Variants in PTPRO observed in about 807,000 individuals in gnomAD.
PTPRO encodes protein tyrosine phosphatase receptor type O.
PTPRO carries 62 observed loss-of-function variants against 145.2 expected under a neutral mutation model. The observed-to-expected ratio is 0.43, with a 90% CI of 0.35 to 0.53. The LOEUF is 0.53. Among genes scored for constraint, PTPRO ranks in the 20% least tolerant of loss-of-function variants. PTPRO has a pLI of 0.01. For missense variants in PTPRO, 1,345 were observed against 1,482.7 expected, an observed-to-expected ratio of 0.91 and a Z score of 1.53; for synonymous variants, 565 against 514.7, an observed-to-expected ratio of 1.10 and a Z score of -1.32.
intron 10 of PTPRO, among the ~76,000 whole-genome samples, chr12:15,521,399 G>A (rs1254073372): frequency 1.3e-5 from 2 of 152,176 alleles, no homozygotes; most frequent in African/African-American, 4.8e-5. Context: ...GAAAATAGCA[G>A]TTACTTGGCA....
intron 1 of PTPRO, among the ~76,000 whole-genome samples, chr12:15,326,867 G>T (rs1282663667): frequency 6.6e-6 from 1 of 152,150 alleles, no homozygotes; most frequent in African/African-American, 2.4e-5. Context: ...GTGCAGTGAT[G>T]AGCTTTACTG....
At chr12:15,379,682 A>G (rs928550330) in intron 1 of PTPRO, among the ~76,000 whole-genome samples, 3 of 151,930 alleles carry the variant, frequency 2.0e-5, no homozygotes, top group African/African-American at 7.2e-5. Context: ...TGCCAATCAC[A>G]AAAGTACTTA....
chr12:15,324,605 A>ATAAT (rs2136190895), intron 1 of PTPRO, among the ~76,000 whole-genome samples: 3 of 152,302 alleles, frequency 2.0e-5, no homozygotes, highest in African/African-American at 7.2e-5. Flanking sequence ...CATTTAAATA[A>ATAAT]TAATTATTGT....
rs908528622 is a variant in PTPRO, at chr12:15,546,271, C to T, written c.2165-298C>T. On this transcript the variant is annotated intron_variant, in intron 12 of 26. Transcript: ENST00000281171. ...TGTATTATCAGGGCAATGCTAACTT[C>T]AGTATAAATGACACAGAAACTATTA... The T allele has an allele frequency of 6.1e-5, 67 of 1,094,046 alleles. No individual in the cohort carries two copies. The Admixed American group carries it at 6.2e-4, about 10-fold the overall frequency. 67.8% of individuals were successfully genotyped at this position (1,094,046 alleles called of 1,614,324 possible). A position where few individuals can be genotyped will look rare whatever the true frequency, so the allele number is the denominator to read the frequency against.
intron 17 of PTPRO, 41 bp from the exon 18 acceptor site, chr12:15,565,552 T>C (rs1943876053): frequency 3.1e-6 from 4 of 1,303,916 alleles, no homozygotes; most frequent in Non-Finnish European, 4.4e-6. Flanking sequence ...TAATCAATTC[T>C]TCTGCCCAGA....
chr12:15,481,567 A>G (rs1941779528), intron 1 of PTPRO, among the ~76,000 whole-genome samples: 1 of 152,186 alleles, frequency 6.6e-6, no homozygotes, highest in South Asian at 2.1e-4. Context: ...ACCACATGAA[A>G]AGCACTTAGC....
chr12:15,482,368 C>T (rs1389028721), intron 1 of PTPRO, among the ~76,000 whole-genome samples: 1 of 151,766 alleles, frequency 6.6e-6, no homozygotes, highest in African/African-American at 2.4e-5. Context: ...GTTACTAGAG[C>T]CAAGGAAGGG....
Position 15,560,308 on chromosome 12 carries a change from A to G in PTPRO, c.2711+32A>G, listed in dbSNP as rs756605478. On this transcript the variant is annotated intron_variant, in intron 17 of 26. Transcript: ENST00000281171. The stretch of plus-strand genomic sequence containing the variant: ...GATTTTTTTTTACTGTTTAACACAA[A>G]CTCTTTAAAAGTTAGCTTTCAAGAA... 2.0e-6 allele frequency: 3 copies of G among 1,472,054 alleles called. No individual in the cohort carries two copies. In the East Asian group the frequency reaches 6.8e-5, roughly 33 times the overall value. 91.2% of individuals were successfully genotyped at this position (1,472,054 alleles called of 1,614,324 possible).
chr12:15,407,215 G>T (rs1267908770), intron 1 of PTPRO, among the ~76,000 whole-genome samples: 3 of 152,114 alleles, frequency 2.0e-5, no homozygotes, highest in Non-Finnish European at 2.9e-5. Context: ...CCAATCTAGT[G>T]CTTTTGTTAA....
At chr12:15,584,602 TTTAC>T (rs1944391782) in intron 23 of PTPRO, among the ~76,000 whole-genome samples, 3 of 152,194 alleles carry the variant, frequency 2.0e-5, no homozygotes, top group Admixed American at 2.0e-4. Context: ...TTGTAAGGAA[TTTAC>T]TTGTTACAAG....
At chr12:15,418,738 G>A (rs1271805548) in intron 1 of PTPRO, among the ~76,000 whole-genome samples, 2 of 151,684 alleles carry the variant, frequency 1.3e-5, no homozygotes, top group Non-Finnish European at 2.9e-5. Context: ...AAAGGCTGAG[G>A]CAATGGAGTA....
At chr12:15,542,804 A>AT (rs761570051) in intron 12 of PTPRO, among the ~76,000 whole-genome samples, 1 of 152,096 alleles carries the variant, frequency 6.6e-6, no homozygotes, top group Non-Finnish European at 1.5e-5. Context: ...TTCTGTCTGT[A>AT]TTTTACATTT....
intron 12 of PTPRO, among the ~76,000 whole-genome samples, chr12:15,545,638 C>G (rs1490216725): frequency 6.6e-6 from 1 of 151,892 alleles, no homozygotes; most frequent in Non-Finnish European, 1.5e-5. Flanking sequence ...GCTTCCTTTA[C>G]GAATGGATTT....
chr12:15,357,464 TAAAGG>T (rs895771999), intron 1 of PTPRO, among the ~76,000 whole-genome samples: 6 of 152,142 alleles, frequency 3.9e-5, no homozygotes, highest in African/African-American at 1.4e-4. Flanking sequence ...TTTCTCTGTG[TAAAGG>T]AAAGTGGAAC....
At chr12:15,564,201 A>T (rs1943843343) in intron 17 of PTPRO, among the ~76,000 whole-genome samples, 1 of 152,188 alleles carries the variant, frequency 6.6e-6, no homozygotes, top group Non-Finnish European at 1.5e-5. Flanking sequence ...TTCACTTAGA[A>T]GTGGGAAGAA....
intron 3 of PTPRO, among the ~76,000 whole-genome samples, chr12:15,499,127 G>A (rs1942166444): frequency 6.6e-6 from 1 of 152,100 alleles, no homozygotes; most frequent in African/African-American, 2.4e-5. Flanking sequence ...AATGGCCAGT[G>A]TAAACTTAAC....
chr12:15,507,821 A>C (rs1591664135), intron 6 of PTPRO, among the ~76,000 whole-genome samples: 1 of 152,248 alleles, frequency 6.6e-6, no homozygotes, highest in African/African-American at 2.4e-5. Flanking sequence ...TAAGGAGCTG[A>C]GAATGCATCC....
At chr12:15,426,968 T>C (rs1940303048) in intron 1 of PTPRO, among the ~76,000 whole-genome samples, 1 of 152,058 alleles carries the variant, frequency 6.6e-6, no homozygotes, top group Admixed American at 6.6e-5. Context: ...AATAAAGTCC[T>C]TTTTCAGATC....
intron 1 of PTPRO, among the ~76,000 whole-genome samples, chr12:15,431,993 T>C (rs1283641281): frequency 6.6e-6 from 1 of 152,212 alleles, no homozygotes; most frequent in Admixed American, 6.5e-5. Flanking sequence ...TTTTTTGTTT[T>C]TGTTTTTGCT....
Sources: allele counts gnomAD v4.1 joint callset (sites outside exome capture counted in the v4.1 genomes callset), GRCh38; gene constraint gnomAD v4.1.1; transcripts MANE v1.5; gene names NCBI Gene and HGNC (gene_info 2026-07-23, HGNC 2026-07-21).